HIKESHI: variants seen among roughly 807,000 people sequenced by gnomAD.
HIKESHI encodes protein Hikeshi.
HIKESHI carries 13 observed loss-of-function variants against 25.7 expected under a neutral mutation model. That is an observed-to-expected ratio of 0.51 (90% CI 0.33 to 0.80). The LOEUF (loss-of-function observed/expected upper bound fraction) is 0.80, where lower values mean the gene tolerates loss of function less well. HIKESHI is among the 30% of genes least tolerant of loss of function. The pLI is 0.02. For synonymous variants in HIKESHI, 76 were observed against 78.7 expected, an observed-to-expected ratio of 0.97 and a Z score of 0.18; for missense variants, 174 against 229.5, an observed-to-expected ratio of 0.76 and a Z score of 1.56.
At chr11:86,320,359 C>T (rs1947115985) in intron 2 of HIKESHI, among the ~76,000 whole-genome samples, 1 of 152,158 alleles carries the variant, frequency 6.6e-6, no homozygotes, top group Admixed American at 6.6e-5. Flanking sequence ...AGGTGGATCA[C>T]TTGAGGTCAG....
At chr11:86,317,181 A>G (rs1480095919) in intron 2 of HIKESHI, among the ~76,000 whole-genome samples, 9 of 152,312 alleles carry the variant, frequency 5.9e-5, no homozygotes, top group African/African-American at 1.7e-4. Flanking sequence ...TAGATTAGGC[A>G]GAAGTATTAT....
Position 86,337,427 on chromosome 11 carries a change from C to T in HIKESHI, c.317C>T (p.Pro106Leu), listed in dbSNP as rs554777891. Residue 106 changes from proline to leucine, a missense_variant, in exon 3 of 5, where the codon CCA becomes CTA. Transcript: ENST00000278483. ...GGAGCCATGAATATTGTCCGAACTC[C>T]ATCTGTTGCTCAGATTGGAATTTCA... ...PFGAMNIVRT[P>L]SVAQIGISVE... The T allele has an allele frequency of 3.1e-5, 50 of 1,613,946 alleles. No individual in the cohort carries two copies. The highest frequency in any genetic ancestry group is 2.2e-4 in the South Asian group (20 of 91,054).
intron 2 of HIKESHI, among the ~76,000 whole-genome samples, chr11:86,332,342 T>G (rs1947448875): frequency 6.6e-6 from 1 of 152,130 alleles, no homozygotes; most frequent in African/African-American, 2.4e-5. Context: ...CTTTTAATTT[T>G]TAAATTTCCC....
At chr11:86,325,287 G>T (rs1298920002) in intron 2 of HIKESHI, among the ~76,000 whole-genome samples, 1 of 152,140 alleles carries the variant, frequency 6.6e-6, no homozygotes, top group Non-Finnish European at 1.5e-5. Flanking sequence ...GTTTTTGTTG[G>T]AGAGGTCAAG....
intron 3 of HIKESHI, among the ~76,000 whole-genome samples, chr11:86,339,852 C>T (rs1365576649): frequency 1.3e-5 from 2 of 152,010 alleles, no homozygotes; most frequent in East Asian, 1.9e-4. Context: ...CCTATTAACT[C>T]GTCATTTACA....
At chr11:86,309,274 G>A (rs541708414) in intron 2 of HIKESHI, among the ~76,000 whole-genome samples, 57 of 152,292 alleles carry the variant, frequency 3.7e-4, no homozygotes, top group Non-Finnish European at 6.2e-4. Context: ...ACTGGCGTGA[G>A]ATGGTATCTC....
intron 2 of HIKESHI, among the ~76,000 whole-genome samples, chr11:86,310,348 C>T (rs1246029721): frequency 2.6e-5 from 4 of 151,978 alleles, no homozygotes; most frequent in Admixed American, 2.6e-4. Flanking sequence ...GGAGTTCACT[C>T]ATGATTTGGC....
At chr11:86,310,098 C>T (rs9667897) in intron 2 of HIKESHI, among the ~76,000 whole-genome samples, 458 of 146,574 alleles carry the variant, frequency 3.1e-3, no homozygotes, top group African/African-American at 0.01. Flanking sequence ...TCCAATTCTG[C>T]GAAGAAAGTC....
chr11:86,318,303 CAA>C (rs71040230), intron 2 of HIKESHI, among the ~76,000 whole-genome samples: 13 of 35,678 alleles, frequency 3.6e-4, no homozygotes, highest in Non-Finnish European at 4.7e-4. Context: ...GACTCCGTCT[CAA>C]AAAAAAAAAA....
chr11:86,309,490 A>G (rs1486864362), intron 2 of HIKESHI, among the ~76,000 whole-genome samples: 1 of 152,086 alleles, frequency 6.6e-6, no homozygotes, highest in Non-Finnish European at 1.5e-5. Flanking sequence ...AGATGGGTAG[A>G]TTGCAAAAAT....
chr11:86,311,463 T>C (rs187283577), intron 2 of HIKESHI, among the ~76,000 whole-genome samples: 1 of 152,324 alleles, frequency 6.6e-6, no homozygotes, highest in East Asian at 1.9e-4. Flanking sequence ...TCTTCTTTGT[T>C]AGTCTTGCTA....
In HIKESHI at chr11:86,318,303, C is replaced by CAAAAAAAAAAAAAAAAAAAA. The variant is rs71040230; in HGVS notation, c.268+11822_268+11841dup. Among the ~76,000 whole-genome samples, 128 of 35,646 alleles carry CAAAAAAAAAAAAAAAAAAAA rather than the reference C, an allele frequency of 3.6e-3. 6 individuals carry two copies. Among genetic ancestry groups the CAAAAAAAAAAAAAAAAAAAA allele is most frequent in the African/African-American group, 6.3e-3 (60 of 9,508 alleles). 23.4% of individuals were successfully genotyped at this position (35,646 alleles called of 152,430 possible). A position where few individuals can be genotyped will look rare whatever the true frequency, so the allele number is the denominator to read the frequency against. On this transcript the variant is annotated intron_variant, in intron 2 of 4. Transcript: ENST00000278483. ...TGGGCGACAGAGCAAGACTCCGTCT[C>CAAAAAAAAAAAAAAAAAAAA]AAAAAAAAAAAAAAAAAAAATCCTG...
At position 86,316,368 on chromosome 11, in the gene HIKESHI, C is replaced by T. The variant is rs527709627; in HGVS notation, c.268+9886C>T. ...CTCCACTAAAAATACAAAAATTAGC[C>T]GGGTGTGGTGGCAGGTGCTCGTAAT... On this transcript the variant is annotated intron_variant, in intron 2 of 4. Coordinates refer to ENST00000278483, the MANE Select transcript of HIKESHI (RefSeq NM_016401.4). 1.6e-3 allele frequency among the ~76,000 whole-genome samples: 238 copies of T among 151,116 alleles called. 2 individuals are homozygous for T. Among genetic ancestry groups the T allele is most frequent in the African/African-American group, 5.5e-3 (226 of 41,174 alleles).
chr11:86,339,106 C>G (rs891996500), intron 3 of HIKESHI, among the ~76,000 whole-genome samples: 3 of 152,068 alleles, frequency 2.0e-5, no homozygotes, highest in Non-Finnish European at 2.9e-5. Context: ...AGTGCAGTGG[C>G]GCGATCTCGG....
At position 86,302,427 on chromosome 11, in the gene HIKESHI, G is replaced by A; in HGVS notation, c.-22G>A. The A allele has an allele frequency of 6.4e-7, 1 of 1,552,136 alleles. No homozygotes were observed. The highest frequency in any genetic ancestry group is 8.7e-7 in the Non-Finnish European group (1 of 1,147,370). On this transcript the variant is annotated 5_prime_UTR_variant, in exon 1 of 5. Coordinates refer to ENST00000278483, the MANE Select transcript of HIKESHI (RefSeq NM_016401.4). The stretch of plus-strand genomic sequence containing the variant: ...AGTCGCCGGCTTCAGGTCACTGCCG[G>A]CTGAACGGAGCTGCCGTCGCCATGT...
intron 2 of HIKESHI, among the ~76,000 whole-genome samples, chr11:86,327,303 C>T (rs1020774571): frequency 3.3e-5 from 5 of 151,640 alleles, no homozygotes; most frequent in African/African-American, 9.7e-5. Context: ...GTTAATAAGC[C>T]TCTGGTTTTC....
intron 2 of HIKESHI, among the ~76,000 whole-genome samples, chr11:86,321,989 T>G (rs927552632): frequency 6.6e-6 from 1 of 151,970 alleles, no homozygotes; most frequent in Non-Finnish European, 1.5e-5. Flanking sequence ...ATTGAGCAGT[T>G]TTCTTTTTTT....
chr11:86,319,337 A>G (rs2138344142), intron 2 of HIKESHI, among the ~76,000 whole-genome samples: 1 of 149,252 alleles, frequency 6.7e-6, no homozygotes, highest in African/African-American at 2.5e-5. Flanking sequence ...TCCAGGGCTC[A>G]GGTGATCCTC....
In HIKESHI at chr11:86,337,622, A is replaced by G. The variant is rs999036050; in HGVS notation, c.420+92A>G. ...TTAAAATCGTAACTTAGGGTATACA[A>G]TGTGATGTTTTTGATACATGTTTAC... On this transcript the variant is annotated intron_variant, in intron 3 of 4. Coordinates refer to ENST00000278483, the MANE Select transcript of HIKESHI (RefSeq NM_016401.4). 2.1e-5 allele frequency: 27 copies of G among 1,285,916 alleles called. No individual in the cohort carries two copies. In the African/African-American group the frequency reaches 2.9e-4, roughly 14 times the overall value. The allele number at this position is 1,285,916 out of a possible 1,614,324, so 79.7% of individuals were successfully genotyped here. A position where few individuals can be genotyped will look rare whatever the true frequency, so the allele number is the denominator to read the frequency against.
Sources: gnomAD v4.1 joint callset for allele counts (sites outside exome capture counted in the v4.1 genomes callset) on GRCh38, gnomAD v4.1.1 for gene constraint, MANE v1.5 for transcripts, NCBI Gene and HGNC (gene_info 2026-07-23, HGNC 2026-07-21) for gene names.